CDC123: variants seen among roughly 807,000 people sequenced by gnomAD.
CDC123 encodes translation initiation factor eIF2 assembly protein.
CDC123 carries 37 observed loss-of-function variants against 54.4 expected under a neutral mutation model. The ratio of observed to expected loss-of-function variants is 0.68; its 90% CI spans 0.52 to 0.89. The LOEUF (loss-of-function observed/expected upper bound fraction) is 0.89, where lower values mean the gene tolerates loss of function less well. Among genes scored for constraint, CDC123 ranks in the 40% least tolerant of loss-of-function variants. The pLI is 0.00. For missense variants in CDC123, 361 were observed against 412.1 expected (o/e 0.88, Z 1.07); for synonymous variants, 144 against 136.8 (o/e 1.05, Z -0.37).
intron 10 of CDC123, 40 bp downstream of exon 10, chr10:12,238,525 C>T (rs777240608): frequency 6.3e-7 from 1 of 1,596,910 alleles, no homozygotes; most frequent in Non-Finnish European, 8.5e-7. Context: ...AATATAAGAG[C>T]TGGTTTTATA....
At chr10:12,234,750 ATTTTTT>A (rs968508731) in intron 7 of CDC123, among the ~76,000 whole-genome samples, 1 of 133,934 alleles carries the variant, frequency 7.5e-6, no homozygotes, top group Non-Finnish European at 1.6e-5. Context: ...CATGTGAAGA[ATTTTTT>A]TTTTTTTTTT....
In CDC123 at chr10:12,210,216, A is replaced by G. The variant is rs1835578982; in HGVS notation, c.205-74A>G. The G allele has an allele frequency of 3.2e-6, 5 of 1,559,958 alleles. No individual in the cohort carries two copies. In the Admixed American group the frequency reaches 5.6e-5, roughly 18 times the overall value. On this transcript the variant is annotated intron_variant, in intron 3 of 12. Transcript: ENST00000281141. ...CTCCTGTTTGATTTATAATTTTTAG[A>G]TGGAGCACTGCTTTTTGAAGCCCAG...
At chr10:12,243,716 G>A (rs921040606) in intron 10 of CDC123, among the ~76,000 whole-genome samples, 1 of 151,854 alleles carries the variant, frequency 6.6e-6, no homozygotes, top group Non-Finnish European at 1.5e-5. Context: ...CTCGGGAGGC[G>A]GAGGTTGTAG....
intron 2 of CDC123, among the ~76,000 whole-genome samples, chr10:12,200,966 A>G (rs1160318451): frequency 6.6e-6 from 1 of 152,064 alleles, no homozygotes; most frequent in African/African-American, 2.4e-5. Context: ...ACAACACGAT[A>G]CAGTGCTTTA....
intron 5 of CDC123, among the ~76,000 whole-genome samples, chr10:12,216,630 T>C (rs559867581): frequency 6.6e-6 from 1 of 152,292 alleles, no homozygotes; most frequent in South Asian, 2.1e-4. Context: ...TTTCAAATAT[T>C]TTAGTACTTT....
At chr10:12,249,127 CAAAAAA>C in intron 11 of CDC123, among the ~76,000 whole-genome samples, 1 of 133,970 alleles carries the variant, frequency 7.5e-6, no homozygotes, top group African/African-American at 2.8e-5. Flanking sequence ...GACTTTGCCT[CAAAAAA>C]AAAAAAAAAA....
chr10:12,247,650 C>T (rs959703620), intron 11 of CDC123: 2 of 152,262 alleles, frequency 1.3e-5, no homozygotes, highest in African/African-American at 4.8e-5. Flanking sequence ...AAAAACAAAA[C>T]ATTGTTCAAC....
At chr10:12,248,177 TCA>T (rs1307334895) in intron 11 of CDC123, among the ~76,000 whole-genome samples, 1 of 152,218 alleles carries the variant, frequency 6.6e-6, no homozygotes, top group Admixed American at 6.5e-5. Context: ...CCTGAGATTT[TCA>T]CAGTGTTCTC....
At chr10:12,224,912 C>T (rs1835786380) in intron 6 of CDC123, among the ~76,000 whole-genome samples, 1 of 152,102 alleles carries the variant, frequency 6.6e-6, no homozygotes, top group Non-Finnish European at 1.5e-5. Flanking sequence ...AGCTGCGGCC[C>T]TGAAGGCTAT....
chr10:12,212,833 C>T (rs1835620757), intron 4 of CDC123, among the ~76,000 whole-genome samples: 1 of 152,206 alleles, frequency 6.6e-6, no homozygotes, highest in African/African-American at 2.4e-5. Context: ...AGATTTGGGT[C>T]CCATCCCCAT....
In CDC123 at chr10:12,208,921, A is replaced by G. The variant is rs528228886; in HGVS notation, c.147-1046A>G. Among the ~76,000 whole-genome samples the G allele has an allele frequency of 3.9e-5, 6 of 152,296 alleles. No homozygotes were observed. The South Asian group carries it at 1.2e-3, about 32-fold the overall frequency. On this transcript the variant is annotated intron_variant, in intron 2 of 12. Transcript: ENST00000281141. ...TTGCTGTGGTTCAGTCTAGATGCAG[A>G]ATGAATTTCTGACACCAGCCCGCAC...
chr10:12,242,357 C>A (rs1049007371), intron 10 of CDC123, among the ~76,000 whole-genome samples: 1 of 152,180 alleles, frequency 6.6e-6, no homozygotes, highest in African/African-American at 2.4e-5. Context: ...CCTGTTCTTG[C>A]CTCTCTTGAA....
At position 12,196,304 on chromosome 10, in the gene CDC123, G is replaced by T. The variant is rs767206968; in HGVS notation, c.59G>T (p.Gly20Val). ...QFSAWYPFFRGVTIKSVILPL... is the reference protein window; with the variant it reads ...QFSAWYPFFRVVTIKSVILPL... ...TCCGCGTGGTACCCGTTCTTCCGAGGCGTTACCATCAAGAGGTGAGATGGG... is the reference window on the plus strand; with the variant it reads ...TCCGCGTGGTACCCGTTCTTCCGAGTCGTTACCATCAAGAGGTGAGATGGG... The change falls in exon 1 of 13, where the codon GGC (glycine) becomes GTC (valine). Residue 20 changes from glycine to valine, a missense_variant. Transcript: ENST00000281141. 2.5e-6 allele frequency: 4 copies of T among 1,613,384 alleles called. No individual in the cohort carries two copies. The highest frequency in any genetic ancestry group is 3.4e-6 in the Non-Finnish European group (4 of 1,179,640).
chr10:12,218,212 T>C (rs1442221231), intron 6 of CDC123, among the ~76,000 whole-genome samples: 1 of 151,904 alleles, frequency 6.6e-6, no homozygotes, highest in Admixed American at 6.6e-5. Flanking sequence ...CAGATTTTTT[T>C]AATGGGATCC....
chr10:12,236,610 A>AG (rs1835979908), intron 8 of CDC123, among the ~76,000 whole-genome samples: 1 of 151,740 alleles, frequency 6.6e-6, no homozygotes. Flanking sequence ...AAAAAAAAAA[A>AG]AAGGCCAGGT....
Position 12,210,026 on chromosome 10 carries a change from T to G in CDC123, c.204+2T>G, listed in dbSNP as rs752901824. On this transcript the variant is annotated splice_donor_variant, in intron 3 of 12. Coordinates refer to ENST00000281141, the MANE Select transcript of CDC123 (RefSeq NM_006023.3). LOFTEE classifies it high-confidence loss of function. Reference sequence around the variant, plus strand: ...GATGATGAAGCAGAAGAAATACAGGTTGGTACCAAATAAAATAATCTGTTC... The same window carrying G: ...GATGATGAAGCAGAAGAAATACAGGGTGGTACCAAATAAAATAATCTGTTC... 1 of 1,613,894 alleles carries G rather than the reference T, an allele frequency of 6.2e-7. No individual in the cohort carries two copies. The highest frequency in any genetic ancestry group is 1.7e-5 in the Admixed American group (1 of 60,018).
At chr10:12,233,370 C>A (rs1835930234) in intron 7 of CDC123, among the ~76,000 whole-genome samples, 2 of 151,748 alleles carry the variant, frequency 1.3e-5, no homozygotes, top group Non-Finnish European at 2.9e-5. Context: ...TGGAAAGATG[C>A]ACAAGAAACC....
At chr10:12,218,056 A>C (rs1835685088) in intron 6 of CDC123, among the ~76,000 whole-genome samples, 1 of 152,122 alleles carries the variant, frequency 6.6e-6, no homozygotes, top group South Asian at 2.1e-4. Context: ...GTGCCACTGC[A>C]CTGTAGCCTG....
chr10:12,228,296 G>A (rs1004299817), intron 6 of CDC123, among the ~76,000 whole-genome samples: 11 of 151,942 alleles, frequency 7.2e-5, no homozygotes, highest in Admixed American at 3.3e-4. Context: ...ATTTTTAATC[G>A]AAAGCTAGTT....
Sources: gnomAD v4.1 joint callset for allele counts (sites outside exome capture counted in the v4.1 genomes callset) on GRCh38, gnomAD v4.1.1 for gene constraint, MANE v1.5 for transcripts, NCBI Gene and HGNC (gene_info 2026-07-23, HGNC 2026-07-21) for gene names.